NGEF: variants seen among roughly 807,000 people sequenced by gnomAD.
The protein encoded by NGEF is ephexin-1.
NGEF carries 31 observed loss-of-function variants against 80.9 expected under a neutral mutation model. The observed-to-expected ratio is 0.38, with a 90% CI of 0.29 to 0.52. NGEF has a LOEUF of 0.52. Ranked by LOEUF, NGEF falls within the 20% of genes least tolerant of loss-of-function variation. The probability of loss-of-function intolerance (pLI) is 0.84; values close to 1 mark genes in which losing one functional copy is unlikely to be tolerated. For synonymous variants in NGEF, 371 were observed against 370.2 expected (o/e 1.00, Z -0.03); for missense variants, 709 against 926.2 (o/e 0.77, Z 3.04).
Position 232,920,437 on chromosome 2 carries a change from C to T in NGEF, c.675G>A (p.Glu225=), listed in dbSNP as rs1161233485. The change falls in exon 5 of 15, where the codon GAG becomes GAA. Residue 225 remains glutamate, a synonymous_variant. Coordinates refer to ENST00000264051, the MANE Select transcript of NGEF (RefSeq NM_019850.3). ...TCCTCTCTGGTGGGCTGGCCGGCTCCTCCTCCTCCTCCTCTTCTTCTTCCT... is the reference window on the plus strand; with the variant it reads ...TCCTCTCTGGTGGGCTGGCCGGCTCTTCCTCCTCCTCCTCTTCTTCTTCCT... ...PEEEEEEEEE[E]EPASPPERKT... 1 of 1,613,842 alleles carries T rather than the reference C, an allele frequency of 6.2e-7. No homozygotes were observed. The highest frequency in any genetic ancestry group is 1.7e-5 in the Admixed American group (1 of 60,000).
At chr2:232,902,040 G>GGCCAGA (rs1354203986) in intron 5 of NGEF, among the ~76,000 whole-genome samples, 1 of 152,326 alleles carries the variant, frequency 6.6e-6, no homozygotes, top group South Asian at 2.1e-4. Flanking sequence ...TAGCAGCTGG[G>GGCCAGA]GCCAGAGCCA....
intron 1 of NGEF, among the ~76,000 whole-genome samples, chr2:232,986,500 T>C (rs1179256410): frequency 6.6e-6 from 1 of 152,206 alleles, no homozygotes; most frequent in Non-Finnish European, 1.5e-5. Flanking sequence ...GGTACATATA[T>C]GTGGTGGAAT....
At chr2:232,891,583 AC>A in intron 7 of NGEF, 96 bp from the exon 8 acceptor site, 1 of 1,363,102 alleles carries the variant, frequency 7.3e-7, no homozygotes. Flanking sequence ...GATCCAGACG[AC>A]CCACGGGCTC....
intron 1 of NGEF, among the ~76,000 whole-genome samples, chr2:232,977,915 C>T (rs1358824737): frequency 1.3e-5 from 2 of 152,166 alleles, no homozygotes; most frequent in Non-Finnish European, 2.9e-5. Flanking sequence ...GACAAGGGAG[C>T]TGGCCCCCTG....
chr2:232,889,426 C>G (rs935528417), intron 8 of NGEF, among the ~76,000 whole-genome samples: 1 of 152,170 alleles, frequency 6.6e-6, no homozygotes, highest in Non-Finnish European at 1.5e-5. Flanking sequence ...TTTCTCTGAG[C>G]CCTTCCCTGA....
In NGEF at chr2:232,974,735, C is replaced by T. The variant is rs777061554; in HGVS notation, c.156G>A (p.Glu52=). The part of the protein sequence containing the change: ...SQADQDIQDK[E]PHCHIPIKRN... ...TCTTAATTGGGATGTGGCAATGAGG[C>T]TCTTTGTCTTGGATATCCTGGTCAG... The change falls in exon 2 of 15, where the codon GAG becomes GAA. Residue 52 remains glutamate (E), a synonymous_variant. Transcript: ENST00000264051. The T allele has an allele frequency of 8.7e-6, 14 of 1,614,216 alleles. No homozygotes were observed. The South Asian group carries it at 1.4e-4, about 16-fold the overall frequency.
chr2:232,899,448 G>A lies in NGEF; in HGVS notation c.829-4532C>T, dbSNP rs909263866. Reference sequence around the variant, plus strand: ...GAAGATTCAACTCCGGTCCAGCCTGGGCTTTCTTCAGGCTCCTCTTTTGTG... The same window carrying A: ...GAAGATTCAACTCCGGTCCAGCCTGAGCTTTCTTCAGGCTCCTCTTTTGTG... On this transcript the variant is annotated intron_variant, in intron 5 of 14. Transcript: ENST00000264051. Among the ~76,000 whole-genome samples, 16 of 152,268 alleles carry A rather than the reference G, an allele frequency of 1.1e-4. No homozygotes were observed. In the South Asian group the frequency reaches 3.1e-3, roughly 30 times the overall value.
chr2:232,887,835 A>G (rs2271702), intron 9 of NGEF, among the ~76,000 whole-genome samples, 198 bp downstream of exon 9: 13,439 of 152,250 alleles, frequency 0.088, 795 homozygotes, highest in East Asian at 0.17. Flanking sequence ...AAGCAGGGTA[A>G]AGAAGGCTCT....
chr2:232,908,390 G>A (rs1272584930), intron 5 of NGEF, among the ~76,000 whole-genome samples: 1 of 151,966 alleles, frequency 6.6e-6, no homozygotes, highest in Non-Finnish European at 1.5e-5. Flanking sequence ...GTGTTTGAAA[G>A]TGCTCATTTA....
intron 8 of NGEF, among the ~76,000 whole-genome samples, chr2:232,888,501 A>G (rs1199487487): frequency 6.6e-6 from 1 of 151,986 alleles, no homozygotes; most frequent in African/African-American, 2.4e-5. Context: ...ACACGTGTAC[A>G]AACATGCATA....
intron 3 of NGEF, among the ~76,000 whole-genome samples, chr2:232,963,399 C>T (rs1358435359): frequency 1.3e-5 from 2 of 151,946 alleles, no homozygotes; most frequent in East Asian, 1.9e-4. Context: ...TATAAGAAAA[C>T]GTAGCAGAGT....
At chr2:233,008,824 C>T (rs1459717258) in intron 1 of NGEF, among the ~76,000 whole-genome samples, 9 of 148,364 alleles carry the variant, frequency 6.1e-5, no homozygotes, top group East Asian at 3.9e-4. Context: ...TTTTTTGAGA[C>T]GGAGTCTTGC....
At chr2:232,991,462 C>T (rs1694648590) in intron 1 of NGEF, among the ~76,000 whole-genome samples, 1 of 151,052 alleles carries the variant, frequency 6.6e-6, no homozygotes, top group Non-Finnish European at 1.5e-5. Flanking sequence ...AAGGAATAAA[C>T]CATAAATTAA....
chr2:232,887,494 G>A (rs1691729172), intron 9 of NGEF, among the ~76,000 whole-genome samples: 1 of 152,166 alleles, frequency 6.6e-6, no homozygotes, highest in South Asian at 2.1e-4. Flanking sequence ...TGAGCTCCGG[G>A]GACTGGGAGA....
At chr2:232,978,681 C>T (rs1574650168) in intron 1 of NGEF, among the ~76,000 whole-genome samples, 1 of 152,142 alleles carries the variant, frequency 6.6e-6, no homozygotes, top group Middle Eastern at 3.4e-3. Flanking sequence ...GTAACTGCCC[C>T]GCCCCCAGCC....
At chr2:232,956,023 A>C (rs1024192600) in intron 3 of NGEF, among the ~76,000 whole-genome samples, 2 of 152,166 alleles carry the variant, frequency 1.3e-5, no homozygotes, top group Non-Finnish European at 2.9e-5. Flanking sequence ...AATCTCCCCC[A>C]AACGTGACTG....
Position 232,904,781 on chromosome 2 carries a change from A to C in NGEF, c.829-9865T>G, listed in dbSNP as rs531651814. Among the ~76,000 whole-genome samples, 7 of 152,110 alleles carry C rather than the reference A, an allele frequency of 4.6e-5. No homozygotes were observed. In the East Asian group the frequency reaches 1.4e-3, roughly 29 times the overall value. ...CGAAACAGCAAGACCCCATCTCTTCAAAAAATTTTTAAAGATTAGCCTGGA... is the reference window on the plus strand; with the variant it reads ...CGAAACAGCAAGACCCCATCTCTTCCAAAAATTTTTAAAGATTAGCCTGGA... On this transcript the variant is annotated intron_variant, in intron 5 of 14. Coordinates refer to ENST00000264051, the MANE Select transcript of NGEF (RefSeq NM_019850.3).
chr2:232,929,828 C>T (rs375107626), intron 3 of NGEF, among the ~76,000 whole-genome samples: 2 of 152,178 alleles, frequency 1.3e-5, no homozygotes, highest in South Asian at 4.1e-4. Flanking sequence ...ATTGTAGCTC[C>T]TATAATTCTC....
intron 6 of NGEF, among the ~76,000 whole-genome samples, chr2:232,893,544 C>G (rs373097894): frequency 6.6e-6 from 1 of 152,116 alleles, no homozygotes; most frequent in African/African-American, 2.4e-5. Context: ...GAGGCCGAGG[C>G]GGGCGGATCA....
Sources: allele counts gnomAD v4.1 joint callset (sites outside exome capture counted in the v4.1 genomes callset), GRCh38; gene constraint gnomAD v4.1.1; transcripts MANE v1.5; gene names NCBI Gene and HGNC (gene_info 2026-07-23, HGNC 2026-07-21).